NKAIN2: variants seen among roughly 807,000 people sequenced by gnomAD.
NKAIN2 encodes the protein sodium/potassium transporting ATPase interacting 2.
A neutral mutation model predicts 32.6 loss-of-function variants in NKAIN2; 14 were observed. The observed-to-expected ratio is 0.43, with a 90% CI of 0.28 to 0.67. The LOEUF (loss-of-function observed/expected upper bound fraction) is 0.67, where lower values mean the gene tolerates loss of function less well. Among genes scored for constraint, NKAIN2 ranks in the 30% least tolerant of loss-of-function variants. NKAIN2 has a pLI of 0.17. For synonymous variants in NKAIN2, 80 were observed against 87.2 expected, an observed-to-expected ratio of 0.92 and a Z score of 0.46; for missense variants, 198 against 258.3, an observed-to-expected ratio of 0.77 and a Z score of 1.60.
intron 4 of NKAIN2, among the ~76,000 whole-genome samples, chr6:124,676,656 G>A (rs1409251803): frequency 6.6e-6 from 1 of 152,068 alleles, no homozygotes; most frequent in Non-Finnish European, 1.5e-5. Context: ...CTAGAATGCA[G>A]TGGCACAATC....
rs192482090 is a variant in NKAIN2, at chr6:124,352,939, C to T, written c.193-2328C>T. Among the ~76,000 whole-genome samples, 501 of 152,192 alleles carry T rather than the reference C, an allele frequency of 3.3e-3. 1 individual carries two copies. Among genetic ancestry groups the T allele is most frequent in the African/African-American group, 0.011 (475 of 41,530 alleles). On this transcript the variant is annotated intron_variant, in intron 2 of 6. Coordinates refer to ENST00000368417, the MANE Select transcript of NKAIN2 (RefSeq NM_001040214.3). ...CCTAACATTATACTCTATTGAGCAA[C>T]GCACACATTAAGCAGTTAGATGAAA... is the stretch of plus-strand genomic sequence containing the variant.
intron 3 of NKAIN2, among the ~76,000 whole-genome samples, chr6:124,403,035 T>C (rs1773695295): frequency 6.6e-6 from 1 of 152,194 alleles, no homozygotes; most frequent in Admixed American, 6.5e-5. Flanking sequence ...ATCAGGTTGG[T>C]AAATGTATAC....
intron 3 of NKAIN2, among the ~76,000 whole-genome samples, chr6:124,550,923 T>G (rs1328498530): frequency 6.6e-6 from 1 of 152,156 alleles, no homozygotes; most frequent in Non-Finnish European, 1.5e-5. Flanking sequence ...GGAATAAAAC[T>G]GATGGAAGTT....
In NKAIN2 at chr6:124,331,456, G is replaced by A. The variant is rs192280856; in HGVS notation, c.193-23811G>A. Among the ~76,000 whole-genome samples, 234 of 143,856 alleles carry A rather than the reference G, an allele frequency of 1.6e-3. 3 individuals are homozygous for A. Among genetic ancestry groups the A allele is most frequent in the African/African-American group, 5.9e-3 (227 of 38,314 alleles). 94.4% of individuals were successfully genotyped at this position (143,856 alleles called of 152,430 possible). On this transcript the variant is annotated intron_variant, in intron 2 of 6. Transcript: ENST00000368417. Reference sequence around the variant, plus strand: ...AGGCAGGAGAATGGCGTGAACCTGCGAGGCAGACCTTGCAGTGAGCCAAGA... The same window carrying A: ...AGGCAGGAGAATGGCGTGAACCTGCAAGGCAGACCTTGCAGTGAGCCAAGA...
intron 3 of NKAIN2, among the ~76,000 whole-genome samples, chr6:124,528,133 G>C (rs939756153): frequency 2.0e-5 from 3 of 152,140 alleles, no homozygotes; most frequent in African/African-American, 7.2e-5. Flanking sequence ...CTGGAGTAGT[G>C]GGATCCATTT....
chr6:124,152,267 G>A (rs1374766442), intron 1 of NKAIN2, among the ~76,000 whole-genome samples: 2 of 151,876 alleles, frequency 1.3e-5, no homozygotes, highest in Non-Finnish European at 2.9e-5. Flanking sequence ...AATAATAATT[G>A]TAAAAGTCAA....
At position 124,364,248 on chromosome 6, in the gene NKAIN2, A is replaced by AAAAAG. The variant is rs1554288860; in HGVS notation, c.273+8904_273+8905insAGAAA. On this transcript the variant is annotated intron_variant, in intron 3 of 6. Transcript: ENST00000368417. ...AGGGTTAAAAATACCAAAAAAAAAA[A>AAAAAG]AAAGAGAGAAAAGAATGTCAAAAAC... Among the ~76,000 whole-genome samples, 147 of 65,282 alleles carry AAAAAG rather than the reference A, an allele frequency of 2.3e-3. 1 individual carries two copies. Among genetic ancestry groups the AAAAAG allele is most frequent in the African/African-American group, 8.0e-3 (145 of 18,084 alleles). 42.8% of individuals were successfully genotyped at this position (65,282 alleles called of 152,430 possible).
At chr6:123,881,411 G>T (rs986356701) in intron 1 of NKAIN2, among the ~76,000 whole-genome samples, 1 of 152,126 alleles carries the variant, frequency 6.6e-6, no homozygotes, top group Non-Finnish European at 1.5e-5. Flanking sequence ...AACTGAATGA[G>T]AATCCAAGGA....
intron 2 of NKAIN2, among the ~76,000 whole-genome samples, chr6:124,327,270 G>A (rs1276407753): frequency 3.9e-5 from 6 of 152,100 alleles, no homozygotes; most frequent in Admixed American, 1.3e-4. Flanking sequence ...TCTCAAGTGT[G>A]AGCCAGAAGT....
intron 1 of NKAIN2, among the ~76,000 whole-genome samples, chr6:123,840,473 G>A (rs1482965650): frequency 1.3e-5 from 2 of 151,994 alleles, no homozygotes; most frequent in African/African-American, 4.8e-5. Context: ...AGGAAAACTT[G>A]TAATTGTCTA....
At chr6:123,923,288 C>T (rs1054212221) in intron 1 of NKAIN2, among the ~76,000 whole-genome samples, 1 of 151,648 alleles carries the variant, frequency 6.6e-6, no homozygotes, top group African/African-American at 2.4e-5. Flanking sequence ...ACAAAATATT[C>T]TATGAATGGT....
chr6:124,233,451 G>A lies in NKAIN2; in HGVS notation c.55-49554G>A, dbSNP rs940517558. On this transcript the variant is annotated intron_variant, in intron 1 of 6. Coordinates refer to ENST00000368417, the MANE Select transcript of NKAIN2 (RefSeq NM_001040214.3). ...TATGGTGAGCCCTGATGGTGACAGTGATGCTGCCAAAGCAAGATAACTAAA... is the reference window on the plus strand; with the variant it reads ...TATGGTGAGCCCTGATGGTGACAGTAATGCTGCCAAAGCAAGATAACTAAA... Among the ~76,000 whole-genome samples, 14 of 152,170 alleles carry A rather than the reference G, an allele frequency of 9.2e-5. 1 individual carries two copies. Among genetic ancestry groups the A allele is most frequent in the Admixed American group, 8.5e-4 (13 of 15,260 alleles).
chr6:124,141,616 C>T (rs545201078), intron 1 of NKAIN2, among the ~76,000 whole-genome samples: 5 of 151,958 alleles, frequency 3.3e-5, no homozygotes, highest in African/African-American at 1.2e-4. Flanking sequence ...TCCTATGAAA[C>T]TTCTGGGTTC....
rs1780311158 is a variant in NKAIN2, at chr6:124,802,585, A to G, written c.535+11186A>G. ...ATCGGATTCATAATTTTCTGACTCT[A>G]GCTTTACAGTTTCTCCACCCTGTTA... On this transcript the variant is annotated intron_variant, in intron 5 of 6. Coordinates refer to ENST00000368417, the MANE Select transcript of NKAIN2 (RefSeq NM_001040214.3). Among the ~76,000 whole-genome samples, 4 of 152,158 alleles carry G rather than the reference A, an allele frequency of 2.6e-5. No homozygotes were observed. In the South Asian group the frequency reaches 8.3e-4, roughly 31 times the overall value.
intron 1 of NKAIN2, among the ~76,000 whole-genome samples, chr6:124,162,361 T>A (rs1788325261): frequency 1.3e-5 from 2 of 152,148 alleles, no homozygotes; most frequent in African/African-American, 4.8e-5. Context: ...CTTTCTATTT[T>A]TGTGACAGTT....
At chr6:123,997,286 A>G (rs192170121) in intron 1 of NKAIN2, among the ~76,000 whole-genome samples, 100 of 152,340 alleles carry the variant, frequency 6.6e-4, no homozygotes, top group African/African-American at 2.3e-3. Context: ...TGTTCTCTAT[A>G]AACATGGCCA....
intron 1 of NKAIN2, among the ~76,000 whole-genome samples, chr6:123,815,803 A>G (rs1485347459): frequency 6.6e-6 from 1 of 152,064 alleles, no homozygotes. Flanking sequence ...GTATACACAC[A>G]CACGTATGTG....
chr6:124,336,419 A>G (rs888086490), intron 2 of NKAIN2, among the ~76,000 whole-genome samples: 5 of 152,164 alleles, frequency 3.3e-5, no homozygotes, highest in Non-Finnish European at 5.9e-5. Flanking sequence ...ACAGAGTGTT[A>G]TACAAGGAAA....
intron 1 of NKAIN2, among the ~76,000 whole-genome samples, chr6:123,834,961 T>G (rs1393737912): frequency 6.6e-6 from 1 of 152,194 alleles, no homozygotes; most frequent in Non-Finnish European, 1.5e-5. Flanking sequence ...TTGTTGGATT[T>G]GATTTGCTAC....
Sources: allele counts gnomAD v4.1 joint callset (sites outside exome capture counted in the v4.1 genomes callset), GRCh38; gene constraint gnomAD v4.1.1; transcripts MANE v1.5; gene names NCBI Gene and HGNC (gene_info 2026-07-23, HGNC 2026-07-21).